CAMK2B: variants seen among roughly 807,000 people sequenced by gnomAD.
CAMK2B encodes the protein calcium/calmodulin-dependent protein kinase type II subunit beta.
A neutral mutation model predicts 93.7 loss-of-function variants in CAMK2B; 27 were observed. The observed-to-expected ratio is 0.29, with a 90% CI of 0.21 to 0.40. The LOEUF (loss-of-function observed/expected upper bound fraction) is 0.40. CAMK2B is among the 10% of genes least tolerant of loss of function. The probability of loss-of-function intolerance (pLI) is 1.00; values close to 1 mark genes in which losing one functional copy is unlikely to be tolerated. For synonymous variants in CAMK2B, 374 were observed against 358.8 expected, an observed-to-expected ratio of 1.04 and a Z score of -0.48; for missense variants, 568 against 895.8, an observed-to-expected ratio of 0.63 and a Z score of 4.67.
intron 1 of CAMK2B, among the ~76,000 whole-genome samples, chr7:44,284,965 A>T (rs1784653943): frequency 6.6e-6 from 1 of 152,176 alleles, no homozygotes; most frequent in Admixed American, 6.5e-5. Context: ...GCTGACCAGC[A>T]TCAACCACAG....
intron 16 of CAMK2B, among the ~76,000 whole-genome samples, chr7:44,231,419 CAT>C (rs1332351015): frequency 6.6e-6 from 1 of 152,258 alleles, no homozygotes; most frequent in African/African-American, 2.4e-5. Flanking sequence ...ATCCCCAACA[CAT>C]GAGGGCTCCA....
chr7:44,293,273 C>T (rs1787355434), intron 1 of CAMK2B, among the ~76,000 whole-genome samples: 1 of 152,336 alleles, frequency 6.6e-6, no homozygotes, highest in Non-Finnish European at 1.5e-5. Context: ...TTCAGAGATA[C>T]CATTTTCTTC....
rs558565678 is a variant in CAMK2B, at chr7:44,229,681, A to T, written c.1226-180T>A. ...GTCCTGGGCCTGTGGTGGCCGCAGCAGGTATGTGAAGGCTGAAGGAGCCAA... is the reference window on the plus strand; with the variant it reads ...GTCCTGGGCCTGTGGTGGCCGCAGCTGGTATGTGAAGGCTGAAGGAGCCAA... On this transcript the variant is annotated intron_variant, in intron 17 of 23. Coordinates refer to ENST00000395749, the MANE Select transcript of CAMK2B (RefSeq NM_001220.5). 3.6e-4 allele frequency: 177 copies of T among 486,458 alleles called. 3 individuals carry two copies. The South Asian group carries it at 6.6e-3, about 18-fold the overall frequency. 30.1% of individuals were successfully genotyped at this position (486,458 alleles called of 1,614,324 possible). A position where few individuals can be genotyped will look rare whatever the true frequency, so the allele number is the denominator to read the frequency against.
intron 4 of CAMK2B, among the ~76,000 whole-genome samples, chr7:44,255,887 A>G (rs2096829507): frequency 6.6e-6 from 1 of 152,200 alleles, no homozygotes; most frequent in East Asian, 1.9e-4. Flanking sequence ...AATCCCCTCA[A>G]AATCCTTCGA....
chr7:44,247,547 T>C (rs2096743619), intron 5 of CAMK2B, among the ~76,000 whole-genome samples: 1 of 151,778 alleles, frequency 6.6e-6, no homozygotes, highest in Non-Finnish European at 1.5e-5. Context: ...GTCTGTACCC[T>C]GTAAGGCAGG....
chr7:44,268,597 A>G (rs1428838625), intron 2 of CAMK2B: 1 of 152,270 alleles, frequency 6.6e-6, no homozygotes, highest in Non-Finnish European at 1.5e-5. Context: ...GCTTGCCTAG[A>G]TGTCCAGCCT....
chr7:44,307,377 G>T (rs1420352549), intron 1 of CAMK2B, among the ~76,000 whole-genome samples: 1 of 139,092 alleles, frequency 7.2e-6, no homozygotes, highest in African/African-American at 2.7e-5. Context: ...GGGGGAGGAG[G>T]GTGTGAGCAG....
chr7:44,220,766 C>T (rs943464309), intron 21 of CAMK2B, 56 bp from the exon 22 acceptor site: 4 of 1,562,614 alleles, frequency 2.6e-6, no homozygotes, highest in Non-Finnish European at 3.5e-6. Context: ...TCTGAGCAGG[C>T]CCCCCCAAGG....
chr7:44,259,875 T>C (rs1313442600), intron 3 of CAMK2B, among the ~76,000 whole-genome samples: 3 of 152,026 alleles, frequency 2.0e-5, no homozygotes, highest in African/African-American at 7.3e-5. Context: ...TCTAAGCACT[T>C]TGTGTGTGTT....
At chr7:44,270,549 GC>G (rs1469046975) in intron 2 of CAMK2B, among the ~76,000 whole-genome samples, 1 of 152,214 alleles carries the variant, frequency 6.6e-6, no homozygotes, top group Non-Finnish European at 1.5e-5. Flanking sequence ...CAGAACTCAG[GC>G]CCTACGCAGG....
intron 12 of CAMK2B, among the ~76,000 whole-genome samples, chr7:44,240,229 T>C (rs1202754816): frequency 6.6e-6 from 1 of 152,120 alleles, no homozygotes; most frequent in Non-Finnish European, 1.5e-5. Flanking sequence ...AGAACTTGCT[T>C]CCCAACCACC....
At chr7:44,299,048 T>A (rs905713014) in intron 1 of CAMK2B, among the ~76,000 whole-genome samples, 1 of 152,026 alleles carries the variant, frequency 6.6e-6, no homozygotes, top group Non-Finnish European at 1.5e-5. Context: ...CCAAGGTGGA[T>A]CCAAAAAAAA....
chr7:44,294,838 C>CCT (rs1787863248), intron 1 of CAMK2B, among the ~76,000 whole-genome samples: 3 of 152,156 alleles, frequency 2.0e-5, no homozygotes, highest in Non-Finnish European at 4.4e-5. Flanking sequence ...CCACCCCTCC[C>CCT]AACAAAAGGT....
chr7:44,264,982 C>T (rs943544671), intron 2 of CAMK2B, among the ~76,000 whole-genome samples: 12 of 152,158 alleles, frequency 7.9e-5, no homozygotes, highest in Non-Finnish European at 1.8e-4. Context: ...ACTCTTGCAA[C>T]ACCCCTGACC....
intron 4 of CAMK2B, among the ~76,000 whole-genome samples, chr7:44,257,901 G>A (rs117323707): frequency 0.013 from 1,988 of 152,324 alleles, 25 homozygotes; most frequent in Non-Finnish European, 0.021. Flanking sequence ...GTCTCTGCTC[G>A]GCCTGCACGC....
Position 44,306,146 on chromosome 7 carries a change from G to A in CAMK2B, c.65+19211C>T, listed in dbSNP as rs541391085. ...CCCCATGGGAGTGAGAGAGGAGAGG[G>A]GGTGAGCACTCTTCCTGAGGAGAGG... On this transcript the variant is annotated intron_variant, in intron 1 of 23. Transcript: ENST00000395749. Among the ~76,000 whole-genome samples, 7 of 151,928 alleles carry A rather than the reference G, an allele frequency of 4.6e-5. No homozygotes were observed. In the East Asian group the frequency reaches 1.4e-3, roughly 30 times the overall value.
At position 44,228,860 on chromosome 7, in the gene CAMK2B, G is replaced by T; in HGVS notation, c.1404C>A (p.Gly468=). 3 of 1,528,336 alleles carry T rather than the reference G, an allele frequency of 2.0e-6. No homozygotes were observed. Among genetic ancestry groups the T allele is most frequent in the Non-Finnish European group, 2.7e-6 (3 of 1,129,002 alleles). 94.7% of individuals were successfully genotyped at this position (1,528,336 alleles called of 1,614,324 possible). Residue 468 remains glycine (G), a synonymous_variant, in exon 19 of 24, where the codon GGC becomes GGA. Coordinates refer to ENST00000395749, the MANE Select transcript of CAMK2B (RefSeq NM_001220.5). ...AGGGCGGGGGCCCCGCTGAGAGGGG[G>T]CCCTCGGCTTCTGGGGTTCCTGAAC... is the stretch of plus-strand genomic sequence containing the variant. ...RRGSGTPEAE[G]PLSAGPPPCL... is the part of the protein sequence containing the mutation.
At chr7:44,279,976 C>T (rs1236873187) in intron 2 of CAMK2B, among the ~76,000 whole-genome samples, 2 of 152,134 alleles carry the variant, frequency 1.3e-5, no homozygotes, top group Non-Finnish European at 2.9e-5. Flanking sequence ...GACTGCCTCT[C>T]CCAGGCCCCA....
chr7:44,288,633 C>G (rs981274182), intron 1 of CAMK2B, among the ~76,000 whole-genome samples: 2 of 152,188 alleles, frequency 1.3e-5, no homozygotes, highest in African/African-American at 4.8e-5. Flanking sequence ...TCAAATAAAG[C>G]TAATTAAAAC....
Sources: allele counts gnomAD v4.1 joint callset (sites outside exome capture counted in the v4.1 genomes callset), GRCh38; gene constraint gnomAD v4.1.1; transcripts MANE v1.5; gene names NCBI Gene and HGNC (gene_info 2026-07-23, HGNC 2026-07-21).